Variants in TENM3 observed in about 807,000 individuals in gnomAD.
TENM3 encodes teneurin transmembrane protein 3, also known as teneurin-3.
A neutral mutation model predicts 255.1 loss-of-function variants in TENM3; 63 were observed. The observed-to-expected ratio is 0.25, with a 90% confidence interval of 0.20 to 0.30. TENM3 has a LOEUF of 0.30. TENM3 is among the 10% of genes least tolerant of loss of function. The pLI is 1.00. For missense variants in TENM3, 2,929 were observed against 3,461.1 expected (o/e 0.85, Z 3.86); for synonymous variants, 1,306 against 1,322.3 (o/e 0.99, Z 0.27).
the TENM3 span, among the ~76,000 whole-genome samples, chr4:181,919,170 A>G: frequency 6.6e-6 from 1 of 152,106 alleles, no homozygotes; most frequent in African/African-American, 2.4e-5. Context: ...TTCCTTGTAA[A>G]TTCCTTGTAA....
At chr4:182,571,077 A>G (rs1420840628) in intron 3 of TENM3, among the ~76,000 whole-genome samples, 1 of 152,134 alleles carries the variant, frequency 6.6e-6, no homozygotes, top group East Asian at 1.9e-4. Flanking sequence ...AAAATCAAAC[A>G]GCTGCAAACA....
chr4:181,867,770 AC>A, the TENM3 span, among the ~76,000 whole-genome samples: 2 of 152,136 alleles, frequency 1.3e-5, no homozygotes, highest in African/African-American at 2.4e-5. Context: ...CATAACCAAT[AC>A]CCCTGCTTGG....
At chr4:182,779,221 C>T (rs1266127986) in intron 24 of TENM3, among the ~76,000 whole-genome samples, 3 of 151,580 alleles carry the variant, frequency 2.0e-5, no homozygotes, top group African/African-American at 7.3e-5. Context: ...CCCCACCCCA[C>T]AACAGTCCCC....
the TENM3 span, among the ~76,000 whole-genome samples, chr4:181,688,631 T>G: frequency 3.3e-5 from 5 of 152,188 alleles, no homozygotes; most frequent in African/African-American, 1.2e-4. Flanking sequence ...TGTGGTCCAC[T>G]GAGTATCTGG....
chr4:181,852,911 C>G, the TENM3 span, among the ~76,000 whole-genome samples: 1 of 152,140 alleles, frequency 6.6e-6, no homozygotes, highest in Admixed American at 6.5e-5. Flanking sequence ...GAATCTTACA[C>G]TTACAAATGG....
the TENM3 span, among the ~76,000 whole-genome samples, chr4:181,726,637 C>A: frequency 4.6e-5 from 7 of 152,288 alleles, no homozygotes; most frequent in East Asian, 1.4e-3. Context: ...GTGACCAAAT[C>A]TGTAGGGGTT....
the TENM3 span, among the ~76,000 whole-genome samples, chr4:181,816,959 T>C: frequency 1.1e-4 from 17 of 152,212 alleles, no homozygotes; most frequent in African/African-American, 1.7e-4. Context: ...TAGTTTCTCA[T>C]TTTATAGATA....
At chr4:181,682,051 C>A in the TENM3 span, among the ~76,000 whole-genome samples, 1 of 152,090 alleles carries the variant, frequency 6.6e-6, no homozygotes, top group Non-Finnish European at 1.5e-5. Flanking sequence ...AAGAATATTG[C>A]TGAGCTCTTG....
chr4:182,604,989 A>G (rs1006916580), intron 4 of TENM3, among the ~76,000 whole-genome samples: 30 of 152,238 alleles, frequency 2.0e-4, no homozygotes, highest in African/African-American at 6.8e-4. Flanking sequence ...ATTGTTTACT[A>G]AACTAAGATA....
the TENM3 span, among the ~76,000 whole-genome samples, chr4:181,766,724 A>G: frequency 6.6e-6 from 1 of 151,888 alleles, no homozygotes; most frequent in Non-Finnish European, 1.5e-5. Context: ...TGCTTGAACT[A>G]GGGACCCTGA....
chr4:181,504,986 T>A, the TENM3 span, among the ~76,000 whole-genome samples: 1 of 152,226 alleles, frequency 6.6e-6, no homozygotes. Flanking sequence ...GAGAACACAC[T>A]GATTCGACTC....
the TENM3 span, among the ~76,000 whole-genome samples, chr4:181,549,774 G>T: frequency 1.3e-5 from 2 of 152,072 alleles, no homozygotes; most frequent in Admixed American, 6.6e-5. Context: ...TGTGCTTGGG[G>T]TGGGGACAGA....
the TENM3 span, among the ~76,000 whole-genome samples, chr4:181,532,815 T>C: frequency 6.6e-6 from 1 of 152,198 alleles, no homozygotes; most frequent in East Asian, 1.9e-4. Flanking sequence ...AACCTAACTC[T>C]TATGATATTG....
At chr4:182,113,446 C>T in the TENM3 span, among the ~76,000 whole-genome samples, 3 of 152,088 alleles carry the variant, frequency 2.0e-5, no homozygotes, top group Non-Finnish European at 4.4e-5. Context: ...GAATAGATTT[C>T]ACCTGTTCCT....
intron 3 of TENM3, among the ~76,000 whole-genome samples, chr4:182,577,652 G>A (rs530924908): frequency 1.2e-4 from 19 of 152,288 alleles, no homozygotes; most frequent in East Asian, 3.9e-4. Context: ...AAATGCACGC[G>A]CTCTATTAAC....
chr4:182,436,992 C>T (rs1387007211), intron 3 of TENM3, among the ~76,000 whole-genome samples: 3 of 148,094 alleles, frequency 2.0e-5, no homozygotes, highest in African/African-American at 5.0e-5. Flanking sequence ...TGTGCCATTG[C>T]ACTCCAGCCT....
At chr4:182,551,646 A>G (rs1221371513) in intron 3 of TENM3, among the ~76,000 whole-genome samples, 3 of 152,172 alleles carry the variant, frequency 2.0e-5, no homozygotes, top group Non-Finnish European at 4.4e-5. Flanking sequence ...CTGACTTAAT[A>G]TGACCCCCTG....
the TENM3 span, among the ~76,000 whole-genome samples, chr4:181,965,709 G>C: frequency 6.6e-6 from 1 of 152,316 alleles, no homozygotes; most frequent in East Asian, 1.9e-4. Context: ...GTCACACCTT[G>C]TATTTTTCTC....
At chr4:181,780,409 G>A in the TENM3 span, among the ~76,000 whole-genome samples, 1 of 152,134 alleles carries the variant, frequency 6.6e-6, no homozygotes, top group Admixed American at 6.5e-5. Context: ...ATTTTTTCAT[G>A]TGTCTCTTGG....
Sources: allele counts gnomAD v4.1 joint callset (sites outside exome capture counted in the v4.1 genomes callset), GRCh38; gene constraint gnomAD v4.1.1; transcripts MANE v1.5; gene names NCBI Gene and HGNC (gene_info 2026-07-23, HGNC 2026-07-21).